The following PLCE1 variants were observed in gnomAD, a reference collection of about 807,000 sequenced individuals.
PLCE1 encodes 1-phosphatidylinositol 4,5-bisphosphate phosphodiesterase epsilon-1.
A neutral mutation model predicts 242.8 loss-of-function variants in PLCE1; 119 were observed. The observed-to-expected ratio is 0.49, with a 90% confidence interval of 0.42 to 0.57. The LOEUF (loss-of-function observed/expected upper bound fraction) is 0.57, where lower values mean the gene tolerates loss of function less well. PLCE1 is among the 20% of genes least tolerant of loss of function. The pLI, the probability that PLCE1 is intolerant of heterozygous loss-of-function variation, is 0.00. For synonymous variants in PLCE1, 945 were observed against 1,017.4 expected, an observed-to-expected ratio of 0.93 and a Z score of 1.35; for missense variants, 2,441 against 2,788.8, an observed-to-expected ratio of 0.88 and a Z score of 2.81.
chr10:94,157,643 C>T (rs2047474145), intron 3 of PLCE1, among the ~76,000 whole-genome samples: 1 of 152,198 alleles, frequency 6.6e-6, no homozygotes, highest in South Asian at 2.1e-4. Context: ...GCTCTGTGAC[C>T]TTGGGCAAGA....
intron 2 of PLCE1, among the ~76,000 whole-genome samples, chr10:94,065,151 C>G (rs949650650): frequency 1.3e-5 from 2 of 152,168 alleles, no homozygotes; most frequent in Non-Finnish European, 2.9e-5. Context: ...CCCACCCCAG[C>G]TTCTCACCCA....
intron 4 of PLCE1, among the ~76,000 whole-genome samples, chr10:94,182,487 C>T (rs944612562): frequency 2.0e-5 from 3 of 151,342 alleles, no homozygotes; most frequent in African/African-American, 7.3e-5. Flanking sequence ...CCAGGCTGGC[C>T]TCAAACTCCT....
At chr10:94,217,476 T>C (rs958273194) in intron 4 of PLCE1, among the ~76,000 whole-genome samples, 5 of 152,142 alleles carry the variant, frequency 3.3e-5, no homozygotes, top group Non-Finnish European at 5.9e-5. Flanking sequence ...TCTAGGGCCA[T>C]CAATTAATAC....
intron 2 of PLCE1, among the ~76,000 whole-genome samples, chr10:94,050,292 G>T (rs887088303): frequency 5.3e-5 from 8 of 152,150 alleles, no homozygotes; most frequent in Non-Finnish European, 8.8e-5. Context: ...TTCTTCACAA[G>T]GTGGCAGGGG....
chr10:94,204,916 A>G (rs2049108969), intron 4 of PLCE1, among the ~76,000 whole-genome samples: 1 of 152,230 alleles, frequency 6.6e-6, no homozygotes, highest in African/African-American at 2.4e-5. Context: ...TGTTAATAAA[A>G]AGACATAATT....
At chr10:94,035,782 A>G (rs1455926060) in intron 2 of PLCE1, among the ~76,000 whole-genome samples, 1 of 152,210 alleles carries the variant, frequency 6.6e-6, no homozygotes, top group Non-Finnish European at 1.5e-5. Context: ...GAAATTCTCA[A>G]AAGTTGCACA....
At chr10:94,085,911 TGTGGCC>T (rs2044806697) in intron 2 of PLCE1, among the ~76,000 whole-genome samples, 1 of 152,220 alleles carries the variant, frequency 6.6e-6, no homozygotes, top group African/African-American at 2.4e-5. Flanking sequence ...GATGTCTAGA[TGTGGCC>T]AAATAATAAT....
chr10:94,291,093 T>A (rs1347346722), intron 22 of PLCE1, among the ~76,000 whole-genome samples: 1 of 152,220 alleles, frequency 6.6e-6, no homozygotes, highest in Non-Finnish European at 1.5e-5. Flanking sequence ...CCAGACAGAT[T>A]AGGATTTCTG....
At chr10:94,173,104 A>G (rs936785069) in intron 4 of PLCE1, among the ~76,000 whole-genome samples, 60 of 152,200 alleles carry the variant, frequency 3.9e-4, no homozygotes, top group Non-Finnish European at 7.3e-5. Context: ...TATCTTATCA[A>G]TGAGAAACTG....
chr10:94,262,525 G>A lies in PLCE1; in HGVS notation c.3846G>A (p.Gly1282=). 1 of 1,613,780 alleles carries A rather than the reference G, an allele frequency of 6.2e-7. No homozygotes were observed. The highest frequency in any genetic ancestry group is 1.1e-5 in the South Asian group (1 of 91,074). The part of the protein sequence containing the change: ...DLLTRNVSDL[G]LFIKSKQQLS... The stretch of plus-strand genomic sequence containing the variant: ...TGACCAGAAATGTCTCGGATTTGGG[G>A]TTGTTCATTAAGAGTAAACAGCAGC... The change falls in exon 14 of 33, where the codon GGG becomes GGA. Residue 1282 remains glycine (G), a synonymous_variant. Transcript: ENST00000371380.
intron 32 of PLCE1, chr10:94,325,731 C>T (rs1319266252): frequency 6.6e-6 from 1 of 152,124 alleles, no homozygotes; most frequent in African/African-American, 2.4e-5. Flanking sequence ...ACTCTGATAG[C>T]CTTATTTCAT....
rs557641469 is a variant in PLCE1 at position 94,173,766 on chromosome 10, C to T, written c.1809+2270C>T. Among the ~76,000 whole-genome samples the T allele has an allele frequency of 2.6e-5, 4 of 152,248 alleles. No individual in the cohort carries two copies. The East Asian group carries it at 5.8e-4, about 22-fold the overall frequency. On this transcript the variant is annotated intron_variant, in intron 4 of 32. Coordinates refer to ENST00000371380, the MANE Select transcript of PLCE1 (RefSeq NM_016341.4). Reference sequence around the variant, plus strand: ...TAGCTAAGCAACTTCAGAACGTAAACAAGATTTCTGGGAAAACACTTAAAC... The same window carrying T: ...TAGCTAAGCAACTTCAGAACGTAAATAAGATTTCTGGGAAAACACTTAAAC...
Position 94,031,231 on chromosome 10 carries a change from A to G in PLCE1, c.185A>G (p.Glu62Gly). Reference sequence around the variant, plus strand: ...ATCTCACAACTGAACAAACTTAAAGAAGAACCTTCTGGAAGCAACTTGCCA... The same window carrying G: ...ATCTCACAACTGAACAAACTTAAAGGAGAACCTTCTGGAAGCAACTTGCCA... ...HTISQLNKLK[E>G]EPSGSNLPKI... The change falls in exon 2 of 33, where the codon GAA becomes GGA. Residue 62 changes from glutamate (E) to glycine (G), a missense_variant. Physicochemically the swap from Glu to Gly is moderately conservative, Grantham distance 98. Transcript: ENST00000371380. 1.2e-6 allele frequency: 2 copies of G among 1,613,848 alleles called. No homozygotes were observed. The highest frequency in any genetic ancestry group is 1.7e-6 in the Non-Finnish European group (2 of 1,179,840).
chr10:94,166,773 A>G (rs773745035), intron 3 of PLCE1, among the ~76,000 whole-genome samples: 1 of 152,140 alleles, frequency 6.6e-6, no homozygotes, highest in Admixed American at 6.6e-5. Context: ...TTTATCGTCT[A>G]TAGCAAGGGG....
At chr10:94,180,460 C>A (rs1248476342) in intron 4 of PLCE1, among the ~76,000 whole-genome samples, 1 of 152,118 alleles carries the variant, frequency 6.6e-6, no homozygotes, top group Non-Finnish European at 1.5e-5. Flanking sequence ...AGATTTTTGG[C>A]TTTTCAAGTT....
rs562464403 is a variant in PLCE1 at position 94,247,310 on chromosome 10, C to T, written c.3096+689C>T. 6.3e-4 allele frequency among the ~76,000 whole-genome samples: 95 copies of T among 151,002 alleles called. 1 individual carries two copies. The highest frequency in any genetic ancestry group is 2.0e-3 in the African/African-American group (82 of 41,198). ...GGGAGAACTATAATGACCCTGGTCGCGGTTTTTATTTTGTATTATATTTAT... is the reference window on the plus strand; with the variant it reads ...GGGAGAACTATAATGACCCTGGTCGTGGTTTTTATTTTGTATTATATTTAT... On this transcript the variant is annotated intron_variant, in intron 8 of 32. Coordinates refer to ENST00000371380, the MANE Select transcript of PLCE1 (RefSeq NM_016341.4).
chr10:94,014,422 A>G (rs1008745220), intron 1 of PLCE1, among the ~76,000 whole-genome samples: 2 of 146,280 alleles, frequency 1.4e-5, no homozygotes, highest in Non-Finnish European at 3.0e-5. Context: ...TGAGCAACAT[A>G]GAGAAATCCT....
intron 1 of PLCE1, among the ~76,000 whole-genome samples, chr10:94,007,781 A>G (rs1250956634): frequency 1.4e-5 from 2 of 143,144 alleles, no homozygotes; most frequent in Non-Finnish European, 3.0e-5. Context: ...ACATAGTTAC[A>G]CACATGCACA....
intron 11 of PLCE1, among the ~76,000 whole-genome samples, chr10:94,257,817 T>A (rs1471475329): frequency 6.6e-6 from 1 of 152,176 alleles, no homozygotes; most frequent in Non-Finnish European, 1.5e-5. Flanking sequence ...ATATACCTAA[T>A]GTAAAGGACG....
Sources: gnomAD v4.1 joint callset for allele counts (sites outside exome capture counted in the v4.1 genomes callset) on GRCh38, gnomAD v4.1.1 for gene constraint, MANE v1.5 for transcripts, NCBI Gene and HGNC (gene_info 2026-07-23, HGNC 2026-07-21) for gene names.